DOK5: variants seen among roughly 807,000 people sequenced by gnomAD.
DOK5 encodes downstream of tyrosine kinase 5.
In DOK5, 27 loss-of-function variants were observed where a neutral mutation model predicts 43.3. The observed-to-expected ratio is 0.62, with a 90% CI of 0.46 to 0.86. DOK5 has a LOEUF of 0.86. Ranked by LOEUF, DOK5 falls within the 40% of genes least tolerant of loss-of-function variation. The pLI, the probability that DOK5 is intolerant of heterozygous loss-of-function variation, is 0.00. For missense variants in DOK5, 373 were observed against 392.9 expected (o/e 0.95, Z 0.43); for synonymous variants, 146 against 140.1 (o/e 1.04, Z -0.30).
At chr20:54,569,120 T>C (rs1366524566) in intron 2 of DOK5, among the ~76,000 whole-genome samples, 1 of 152,044 alleles carries the variant, frequency 6.6e-6, no homozygotes, top group Non-Finnish European at 1.5e-5. Context: ...CACACACATA[T>C]AAATTAGTTT....
chr20:54,616,515 G>A (rs1282655083), intron 6 of DOK5, among the ~76,000 whole-genome samples: 1 of 152,162 alleles, frequency 6.6e-6, no homozygotes, highest in African/African-American at 2.4e-5. Flanking sequence ...CTTTCTCTGG[G>A]ACCTTGCTAC....
At chr20:54,481,170 CTA>C (rs1319414087) in intron 1 of DOK5, among the ~76,000 whole-genome samples, 5 of 150,588 alleles carry the variant, frequency 3.3e-5, no homozygotes, top group African/African-American at 1.2e-4. Flanking sequence ...ATCTATCTAT[CTA>C]TCTATCTATA....
chr20:54,592,651 C>G (rs1349227937), intron 5 of DOK5, among the ~76,000 whole-genome samples: 1 of 151,880 alleles, frequency 6.6e-6, no homozygotes, highest in African/African-American at 2.4e-5. Flanking sequence ...CGCCATTCTC[C>G]TGCCTCAGCC....
At chr20:54,646,248 G>GTTTTTTGTTTTTTTTT (rs1979415549) in intron 7 of DOK5, among the ~76,000 whole-genome samples, 3 of 79,928 alleles carry the variant, frequency 3.8e-5, no homozygotes, top group African/African-American at 1.6e-4. Flanking sequence ...TGGTTATACT[G>GTTTTTTGTTTTTTTTT]TTTTTTTTTT....
In DOK5 at chr20:54,564,256, T is replaced by C. The variant is rs192317849; in HGVS notation, c.174+9216T>C. On this transcript the variant is annotated intron_variant, in intron 2 of 7. Coordinates refer to ENST00000262593, the MANE Select transcript of DOK5 (RefSeq NM_018431.5). ...GGCTAACACGGTGAAACCCCGTCTC[T>C]ACTAAAAAAAATACAAAAAACAAAA... 5.8e-3 allele frequency among the ~76,000 whole-genome samples: 881 copies of C among 152,140 alleles called. 7 individuals carry two copies. The highest frequency in any genetic ancestry group is 0.029 in the South Asian group (138 of 4,816).
chr20:54,542,115 C>CACACACACACACAT (rs1568774907), intron 1 of DOK5, among the ~76,000 whole-genome samples: 1,919 of 151,640 alleles, frequency 0.013, 43 homozygotes, highest in African/African-American at 0.044. Context: ...CACACACACA[C>CACACACACACACAT]ACACACACAC....
chr20:54,603,370 C>G (rs1367785573), intron 5 of DOK5, among the ~76,000 whole-genome samples: 1 of 152,230 alleles, frequency 6.6e-6, no homozygotes, highest in Non-Finnish European at 1.5e-5. Context: ...TGAGATCAAC[C>G]AGGCAGCAAT....
intron 1 of DOK5, among the ~76,000 whole-genome samples, chr20:54,487,529 A>T (rs1981987093): frequency 6.6e-6 from 1 of 152,190 alleles, no homozygotes; most frequent in Non-Finnish European, 1.5e-5. Context: ...TTTTGGAGGT[A>T]GGTGGTGGTA....
chr20:54,488,871 A>G (rs1982052950), intron 1 of DOK5, among the ~76,000 whole-genome samples: 1 of 150,776 alleles, frequency 6.6e-6, no homozygotes, highest in South Asian at 2.1e-4. Flanking sequence ...CCCATTTTAC[A>G]AATTATTTAC....
intron 1 of DOK5, among the ~76,000 whole-genome samples, chr20:54,505,385 C>G (rs1399758819): frequency 1.3e-5 from 2 of 151,946 alleles, no homozygotes; most frequent in South Asian, 2.1e-4. Flanking sequence ...GCTCACAAAG[C>G]CTAAGGTATT....
chr20:54,582,868 T>G (rs972453527), intron 2 of DOK5, among the ~76,000 whole-genome samples: 1 of 152,036 alleles, frequency 6.6e-6, no homozygotes, highest in African/African-American at 2.4e-5. Flanking sequence ...TCCATTTCAT[T>G]TAGTTCTAAT....
intron 1 of DOK5, among the ~76,000 whole-genome samples, chr20:54,512,548 G>A (rs568074582): frequency 6.6e-6 from 1 of 152,204 alleles, no homozygotes; most frequent in Non-Finnish European, 1.5e-5. Context: ...CCTAATTATA[G>A]GCCCACTAAT....
At chr20:54,631,513 T>C (rs531175493) in intron 6 of DOK5, among the ~76,000 whole-genome samples, 2 of 152,200 alleles carry the variant, frequency 1.3e-5, no homozygotes, top group Admixed American at 1.3e-4. Context: ...GCTATCTGGC[T>C]GGGAGAAAAT....
At chr20:54,600,833 G>A (rs1490554206) in intron 5 of DOK5, among the ~76,000 whole-genome samples, 1 of 152,204 alleles carries the variant, frequency 6.6e-6, no homozygotes, top group East Asian at 1.9e-4. Context: ...CCTTGCAGGA[G>A]ATCCTAGCAA....
chr20:54,488,762 CCCCTCCCCT>C (rs1258479350), intron 1 of DOK5, among the ~76,000 whole-genome samples: 4 of 89,612 alleles, frequency 4.5e-5, no homozygotes, highest in Non-Finnish European at 7.8e-5. Context: ...TCTTTCCCTA[CCCCTCCCCT>C]CCCTCCCCTC....
At chr20:54,622,816 G>A (rs1987023216) in intron 6 of DOK5, among the ~76,000 whole-genome samples, 1 of 152,114 alleles carries the variant, frequency 6.6e-6, no homozygotes, top group Admixed American at 6.5e-5. Context: ...GTCGAGCATG[G>A]CAAAGAAGAG....
intron 1 of DOK5, among the ~76,000 whole-genome samples, chr20:54,513,119 G>A (rs1354370185): frequency 6.6e-6 from 1 of 152,070 alleles, no homozygotes; most frequent in Non-Finnish European, 1.5e-5. Context: ...TTAATAAGGG[G>A]CAGAATATGT....
chr20:54,524,222 T>C (rs2146699492), intron 1 of DOK5, among the ~76,000 whole-genome samples: 1 of 152,192 alleles, frequency 6.6e-6, no homozygotes, highest in South Asian at 2.1e-4. Flanking sequence ...AGAAGGGTGT[T>C]AATGCGAAAG....
At chr20:54,540,665 C>T (rs990527835) in intron 1 of DOK5, among the ~76,000 whole-genome samples, 1 of 152,054 alleles carries the variant, frequency 6.6e-6, no homozygotes, top group African/African-American at 2.4e-5. Context: ...CACAGGGGTG[C>T]ACCACCACAC....
Sources: allele counts gnomAD v4.1 joint callset (sites outside exome capture counted in the v4.1 genomes callset), GRCh38; gene constraint gnomAD v4.1.1; transcripts MANE v1.5; gene names NCBI Gene and HGNC (gene_info 2026-07-23, HGNC 2026-07-21).